Variants in FN1 observed in about 807,000 individuals in gnomAD.
The protein encoded by FN1 is fibronectin 1.
FN1 carries 106 observed loss-of-function variants against 297.3 expected under a neutral mutation model. That is an observed-to-expected ratio of 0.36 (90% CI 0.30 to 0.42). The LOEUF (loss-of-function observed/expected upper bound fraction) is 0.42. Ranked by LOEUF, FN1 falls within the 10% of genes least tolerant of loss-of-function variation. The pLI is 1.00. For synonymous variants in FN1, 1,149 were observed against 1,152.6 expected (o/e 1.00, Z 0.06); for missense variants, 2,690 against 3,124.9 (o/e 0.86, Z 3.32).
intron 44 of FN1, chr2:215,364,560 A>T: frequency 2.3e-6 from 1 of 428,326 alleles, no homozygotes; most frequent in Non-Finnish European, 4.3e-6. Context: ...CTGACATGCT[A>T]GGGAGCTTAG....
At chr2:215,393,229 G>A (rs1408044178) in intron 24 of FN1, 26 bp from the exon 25 acceptor site, 1 of 1,608,876 alleles carries the variant, frequency 6.2e-7, no homozygotes, top group Non-Finnish European at 8.5e-7. Context: ...GCAAAGGGAG[G>A]GGGAGGCAAA....
chr2:215,403,122 A>T (rs1193411457), intron 20 of FN1, among the ~76,000 whole-genome samples: 1 of 152,230 alleles, frequency 6.6e-6, no homozygotes, highest in African/African-American at 2.4e-5. Context: ...AAGAAATATA[A>T]AGACATTAAT....
At chr2:215,410,507 CTTTTTTT>C (rs34645626) in intron 13 of FN1, among the ~76,000 whole-genome samples, 1 of 133,996 alleles carries the variant, frequency 7.5e-6, no homozygotes, top group Admixed American at 7.5e-5. Flanking sequence ...GGCACCTTCA[CTTTTTTT>C]TTTTTTTTTT....
At chr2:215,385,778 CTTT>C (rs200573591) in intron 28 of FN1, among the ~76,000 whole-genome samples, 61 of 120,378 alleles carry the variant, frequency 5.1e-4, no homozygotes, top group Admixed American at 7.6e-4. Flanking sequence ...AGTTTTCCAC[CTTT>C]TTTTTTTTTT....
chr2:215,405,869 T>G (rs913661666), intron 19 of FN1, among the ~76,000 whole-genome samples: 6 of 152,250 alleles, frequency 3.9e-5, no homozygotes, highest in Non-Finnish European at 8.8e-5. Context: ...TACTAGACAC[T>G]TGACAATTGC....
At chr2:215,403,343 A>G (rs1264366019) in intron 20 of FN1, among the ~76,000 whole-genome samples, 1 of 152,136 alleles carries the variant, frequency 6.6e-6, no homozygotes, top group Non-Finnish European at 1.5e-5. Flanking sequence ...AAAAGTTTGT[A>G]TTTTCTTTGG....
intron 42 of FN1, among the ~76,000 whole-genome samples, chr2:215,366,838 G>A (rs575525549): frequency 2.6e-5 from 4 of 152,278 alleles, no homozygotes; most frequent in Admixed American, 1.3e-4. Context: ...AACGTAGTTC[G>A]ATTTCAGGAG....
Position 215,436,014 on chromosome 2 carries a change from C to A in FN1, c.-212G>T. The stretch of plus-strand genomic sequence containing the variant: ...AGTTGTGGCTGCAGGTCCCCTCTTC[C>A]CGCTCGCGCCTGGGGTTCCCTCTCC... On this transcript the variant is annotated 5_prime_UTR_variant, in exon 1 of 46. Transcript: ENST00000354785. 9.1e-7 allele frequency: 1 copy of A among 1,094,068 alleles called. No homozygotes were observed. The highest frequency in any genetic ancestry group is 1.8e-5 in the South Asian group (1 of 56,970). The allele number at this position is 1,094,068 out of a possible 1,614,324, so 67.8% of individuals were successfully genotyped here.
intron 2 of FN1, among the ~76,000 whole-genome samples, chr2:215,434,263 G>A (rs1416576170): frequency 1.3e-5 from 2 of 152,220 alleles, no homozygotes; most frequent in South Asian, 2.1e-4. Context: ...CTAAAGGAAT[G>A]AGAACTTTGA....
chr2:215,420,456 C>T (rs1044665569), intron 11 of FN1, among the ~76,000 whole-genome samples: 1 of 152,022 alleles, frequency 6.6e-6, no homozygotes, highest in Non-Finnish European at 1.5e-5. Context: ...TTAAAATAAG[C>T]CTAAATTTGT....
At position 215,401,231 on chromosome 2, in the gene FN1, A is replaced by AAGGAAGGAAGGAAGG. The variant is rs1559474823; in HGVS notation, c.3254-1881_3254-1880insCCTTCCTTCCTTCCT. On this transcript the variant is annotated intron_variant, in intron 20 of 45. Transcript: ENST00000354785. ...GAAAGAAAGAAAGAAAGAAAGAAAG[A>AAGGAAGGAAGGAAGG]AAGAAAGAAAGAAAGAAAGGAAGAA... Among the ~76,000 whole-genome samples, 44 of 57,890 alleles carry AAGGAAGGAAGGAAGG rather than the reference A, an allele frequency of 7.6e-4. 1 individual carries two copies. Among genetic ancestry groups the AAGGAAGGAAGGAAGG allele is most frequent in the African/African-American group, 3.0e-3 (43 of 14,548 alleles). The allele number at this position is 57,890 out of a possible 152,430, so 38.0% of individuals were successfully genotyped here.
At chr2:215,426,241 CG>C (rs1231890589) in intron 6 of FN1, among the ~76,000 whole-genome samples, 65 of 147,300 alleles carry the variant, frequency 4.4e-4, no homozygotes, top group Admixed American at 1.5e-3. Flanking sequence ...CTCTGCCTCC[CG>C]GGTTCACGCC....
intron 14 of FN1, 58 bp downstream of exon 14, chr2:215,409,876 G>A: frequency 6.2e-7 from 1 of 1,602,690 alleles, no homozygotes; most frequent in East Asian, 2.2e-5. Flanking sequence ...ATTGCCTCAG[G>A]AGAGCCTAGC....
At position 215,406,379 on chromosome 2, in the gene FN1, C is replaced by G. The variant is rs770425267; in HGVS notation, c.2845G>C (p.Glu949Gln). ...VDVIPVNLPG[E>Q]HGQRLPISRN... ...CTGATGGGCAGCCTCTGCCCGTGCT[C>G]GCCAGGCAGGTTGACGGGGATCACA... The change falls in exon 19 of 46, where the codon GAG becomes CAG. Residue 949 changes from glutamate to glutamine, a missense_variant. Transcript: ENST00000354785. 2.7e-5 allele frequency: 43 copies of G among 1,614,182 alleles called. No individual in the cohort carries two copies. Among genetic ancestry groups the G allele is most frequent in the Non-Finnish European group, 3.6e-5 (43 of 1,180,044 alleles).
chr2:215,368,324 T>C (rs770345438), intron 41 of FN1, among the ~76,000 whole-genome samples: 10 of 152,198 alleles, frequency 6.6e-5, no homozygotes, highest in South Asian at 4.1e-4. Context: ...CTTGAGGCAA[T>C]TGAAGCTAGT....
chr2:215,378,234 T>C lies in FN1; in HGVS notation c.5651A>G (p.Tyr1884Cys), dbSNP rs199890235. ...MVATKYEVSV[Y>C]ALKDTLTSRP... ...GCTTGTCAAAGTGTCCTTAAGAGCA[T>C]AGACACTCACTTCATATTTGGTGGC... is the stretch of plus-strand genomic sequence containing the variant. Residue 1884 changes from tyrosine (Y) to cysteine (C), a missense_variant, in exon 35 of 46, where the codon TAT becomes TGT. Physicochemically the swap from Tyr to Cys is radical, Grantham distance 194. Transcript: ENST00000354785. 1.4e-4 allele frequency: 219 copies of C among 1,611,810 alleles called. 1 individual carries two copies. Among genetic ancestry groups the C allele is most frequent in the South Asian group, 5.9e-4 (54 of 91,032 alleles).
At position 215,378,231 on chromosome 2, in the gene FN1, G is replaced by C; in HGVS notation, c.5654C>G (p.Ala1885Gly). Residue 1885 changes from alanine to glycine, a missense_variant, in exon 35 of 46, where the codon GCT (alanine) becomes GGT (glycine). Ala to Gly is a moderately conservative substitution (Grantham distance 60). Coordinates refer to ENST00000354785, the MANE Select transcript of FN1 (RefSeq NM_212482.4). Reference protein sequence around the residue: ...VATKYEVSVYALKDTLTSRPA... With the variant: ...VATKYEVSVYGLKDTLTSRPA... ...TCTGCTTGTCAAAGTGTCCTTAAGAGCATAGACACTCACTTCATATTTGGT... is the reference window on the plus strand; with the variant it reads ...TCTGCTTGTCAAAGTGTCCTTAAGACCATAGACACTCACTTCATATTTGGT... The C allele has an allele frequency of 1.2e-6, 2 of 1,611,774 alleles. No individual in the cohort carries two copies. The highest frequency in any genetic ancestry group is 1.7e-6 in the Non-Finnish European group (2 of 1,178,204).
At chr2:215,393,577 TG>T (rs1559443768) in intron 24 of FN1, 1 of 152,414 alleles carries the variant, frequency 6.6e-6, no homozygotes, top group East Asian at 1.9e-4. Flanking sequence ...GTATCAGCAA[TG>T]CTTTTAATAA....
At chr2:215,414,416 G>T (rs1020409316) in intron 13 of FN1, among the ~76,000 whole-genome samples, 9 of 151,870 alleles carry the variant, frequency 5.9e-5, no homozygotes, top group African/African-American at 2.2e-4. Context: ...AATCAAAAAA[G>T]AAATATATTA....
Sources: allele counts gnomAD v4.1 joint callset (sites outside exome capture counted in the v4.1 genomes callset), GRCh38; gene constraint gnomAD v4.1.1; transcripts MANE v1.5; gene names NCBI Gene and HGNC (gene_info 2026-07-23, HGNC 2026-07-21).